The following ADARB2 variants were observed in gnomAD, a reference collection of about 807,000 sequenced individuals.
ADARB2 encodes inactive double-stranded RNA-specific editase B2.
Under a neutral mutation model 62.2 loss-of-function variants are expected in ADARB2, and 25 were observed. That is an observed-to-expected ratio of 0.40 (90% CI 0.29 to 0.56). The LOEUF is 0.56. Among genes scored for constraint, ADARB2 ranks in the 20% least tolerant of loss-of-function variants. The probability of loss-of-function intolerance (pLI) is 0.43; values close to 1 mark genes in which losing one functional copy is unlikely to be tolerated. For missense variants in ADARB2, 1,071 were observed against 1,077.4 expected, an observed-to-expected ratio of 0.99 and a Z score of 0.08; for synonymous variants, 572 against 500.8, an observed-to-expected ratio of 1.14 and a Z score of -1.90.
At chr10:1,474,655 C>A (rs986059758) in intron 1 of ADARB2, among the ~76,000 whole-genome samples, 9 of 152,172 alleles carry the variant, frequency 5.9e-5, no homozygotes, top group African/African-American at 2.2e-4. Flanking sequence ...AGACTGTCCG[C>A]CCACCAGGAG....
intron 3 of ADARB2, among the ~76,000 whole-genome samples, chr10:1,355,090 G>A (rs1483648236): frequency 6.6e-6 from 1 of 151,992 alleles, no homozygotes; most frequent in East Asian, 1.9e-4. Context: ...CCAGGTATGT[G>A]TCCCTCCCCT....
intron 1 of ADARB2, among the ~76,000 whole-genome samples, chr10:1,697,804 C>T (rs531058029): frequency 6.6e-6 from 1 of 152,226 alleles, no homozygotes; most frequent in South Asian, 2.1e-4. Flanking sequence ...TTCAGTGGAT[C>T]CTGTCATCCC....
At chr10:1,192,229 C>G (rs574038233) in intron 8 of ADARB2, among the ~76,000 whole-genome samples, 1 of 152,212 alleles carries the variant, frequency 6.6e-6, no homozygotes, top group Non-Finnish European at 1.5e-5. Flanking sequence ...TGCAGTGAGG[C>G]AAGTCTGTGT....
intron 1 of ADARB2, among the ~76,000 whole-genome samples, chr10:1,715,641 A>T (rs571187447): frequency 6.7e-4 from 102 of 152,270 alleles, no homozygotes; most frequent in Middle Eastern, 6.8e-3. Flanking sequence ...AGAAAATCAT[A>T]TGCTAGTTCT....
At chr10:1,290,359 T>G (rs930744487) in intron 3 of ADARB2, 1 of 152,210 alleles carries the variant, frequency 6.6e-6, no homozygotes, top group Non-Finnish European at 1.5e-5. Flanking sequence ...GAGAAGGGCC[T>G]CCCTCCTGGT....
At chr10:1,696,340 TTG>T (rs1834746431) in intron 1 of ADARB2, among the ~76,000 whole-genome samples, 1 of 152,156 alleles carries the variant, frequency 6.6e-6, no homozygotes, top group Non-Finnish European at 1.5e-5. Context: ...TTCATGTGCA[TTG>T]TGTGTGCATG....
intron 1 of ADARB2, among the ~76,000 whole-genome samples, chr10:1,404,733 C>G (rs956318455): frequency 5.3e-5 from 8 of 152,194 alleles, no homozygotes; most frequent in Non-Finnish European, 1.0e-4. Flanking sequence ...GACCGGCCAA[C>G]AGTGACATTC....
intron 1 of ADARB2, among the ~76,000 whole-genome samples, chr10:1,685,147 G>T (rs901705095): frequency 6.6e-6 from 1 of 152,208 alleles, no homozygotes; most frequent in Non-Finnish European, 1.5e-5. Context: ...TATGAGCAGG[G>T]CATGTCTGCC....
intron 1 of ADARB2, among the ~76,000 whole-genome samples, chr10:1,525,224 C>T (rs959369039): frequency 5.9e-5 from 9 of 152,130 alleles, no homozygotes; most frequent in Admixed American, 1.3e-4. Flanking sequence ...ATTTCTGGTT[C>T]TACTTGTAAC....
In ADARB2 at chr10:1,617,666, G is replaced by A. The variant is rs1032719912; in HGVS notation, c.100+119385C>T. On this transcript the variant is annotated intron_variant, in intron 1 of 9. Transcript: ENST00000381312. ...TCTGTTGCTAGATGTTTGTGTGCCCGTCCAGACACACTCCACACCGCCCTG... is the reference window on the plus strand; with the variant it reads ...TCTGTTGCTAGATGTTTGTGTGCCCATCCAGACACACTCCACACCGCCCTG... 5.6e-5 allele frequency among the ~76,000 whole-genome samples: 8 copies of A among 143,902 alleles called. No homozygotes were observed. In the East Asian group the frequency reaches 6.4e-4, roughly 12 times the overall value. The allele number at this position is 143,902 out of a possible 152,430, so 94.4% of individuals were successfully genotyped here.
Position 1,232,436 on chromosome 10 carries a change from T to G in ADARB2, c.1513+1258A>C, listed in dbSNP as rs187840085. 8.2e-3 allele frequency among the ~76,000 whole-genome samples: 1,232 copies of G among 150,040 alleles called. 29 individuals carry two copies. Among genetic ancestry groups the G allele is most frequent in the African/African-American group, 0.029 (1,180 of 40,766 alleles). ...TGTGTGTGGTATATGTGGTGTGTGTTTGCAGTGTATGTGGTATGCATGTAT... is the reference window on the plus strand; with the variant it reads ...TGTGTGTGGTATATGTGGTGTGTGTGTGCAGTGTATGTGGTATGCATGTAT... On this transcript the variant is annotated intron_variant, in intron 6 of 9. Coordinates refer to ENST00000381312, the MANE Select transcript of ADARB2 (RefSeq NM_018702.4).
At chr10:1,436,151 C>T (rs1322810478) in intron 1 of ADARB2, among the ~76,000 whole-genome samples, 1 of 151,986 alleles carries the variant, frequency 6.6e-6, no homozygotes, top group East Asian at 1.9e-4. Context: ...TTTGCATGTG[C>T]GTGTGTGCAT....
intron 1 of ADARB2, among the ~76,000 whole-genome samples, chr10:1,451,841 A>G (rs919385197): frequency 3.9e-5 from 6 of 152,340 alleles, no homozygotes; most frequent in Non-Finnish European, 7.4e-5. Flanking sequence ...CCCCATGGAC[A>G]TGAGATCATG....
intron 3 of ADARB2, among the ~76,000 whole-genome samples, chr10:1,307,530 C>G (rs1268477105): frequency 2.1e-5 from 3 of 143,030 alleles, no homozygotes; most frequent in African/African-American, 7.6e-5. Context: ...GGTCATTCCT[C>G]AGGGATCTAG....
chr10:1,703,133 G>A (rs1366522305), intron 1 of ADARB2, among the ~76,000 whole-genome samples: 3 of 152,174 alleles, frequency 2.0e-5, no homozygotes, highest in Non-Finnish European at 4.4e-5. Flanking sequence ...TGCTACACCA[G>A]GGGCTCATCT....
intron 1 of ADARB2, among the ~76,000 whole-genome samples, chr10:1,641,309 G>A (rs1036877112): frequency 6.6e-6 from 1 of 152,218 alleles, no homozygotes; most frequent in Admixed American, 6.5e-5. Context: ...GCACGAAGTG[G>A]TGTGTTTCCA....
In ADARB2 at chr10:1,256,963, G is replaced by C. The variant is rs1589167116; in HGVS notation, c.1192+13992C>G. Among the ~76,000 whole-genome samples, 3 of 152,308 alleles carry C rather than the reference G, an allele frequency of 2.0e-5. No individual in the cohort carries two copies. The East Asian group carries it at 5.8e-4, about 29-fold the overall frequency. ...CTGGCACTAAAACCAGAAATAATGA[G>C]AGCATGAAGCCCGCGCTCATAAATA... On this transcript the variant is annotated intron_variant, in intron 4 of 9. Coordinates refer to ENST00000381312, the MANE Select transcript of ADARB2 (RefSeq NM_018702.4).
chr10:1,523,474 T>A (rs1183464950), intron 1 of ADARB2, among the ~76,000 whole-genome samples: 1 of 152,044 alleles, frequency 6.6e-6, no homozygotes, highest in Non-Finnish European at 1.5e-5. Flanking sequence ...TCCCACCCCC[T>A]CACATTAGAT....
At chr10:1,233,027 C>T (rs571132144) in intron 6 of ADARB2, among the ~76,000 whole-genome samples, 52 of 152,142 alleles carry the variant, frequency 3.4e-4, no homozygotes, top group African/African-American at 9.4e-4. Context: ...AGGAGTTTCC[C>T]TGAAGCACCT....
Sources: gnomAD v4.1 joint callset for allele counts (sites outside exome capture counted in the v4.1 genomes callset) on GRCh38, gnomAD v4.1.1 for gene constraint, MANE v1.5 for transcripts, NCBI Gene and HGNC (gene_info 2026-07-23, HGNC 2026-07-21) for gene names.